SPTLC2: variants seen among roughly 807,000 people sequenced by gnomAD.
SPTLC2 encodes the protein serine palmitoyltransferase 2.
Under a neutral mutation model 62.0 loss-of-function variants are expected in SPTLC2, and 21 were observed. That is an observed-to-expected ratio of 0.34 (90% CI 0.24 to 0.49). SPTLC2 has a LOEUF of 0.49. Ranked by LOEUF, SPTLC2 falls within the 20% of genes least tolerant of loss-of-function variation. The pLI is 0.99. For missense variants in SPTLC2, 511 were observed against 713.0 expected (o/e 0.72, Z 3.23); for synonymous variants, 261 against 261.8 (o/e 1.00, Z 0.03).
At chr14:77,553,144 T>C (rs1236619957) in intron 8 of SPTLC2, among the ~76,000 whole-genome samples, 1 of 152,346 alleles carries the variant, frequency 6.6e-6, no homozygotes, top group East Asian at 1.9e-4. Context: ...AACTTAATTG[T>C]ATATCCCTAT....
intron 2 of SPTLC2, among the ~76,000 whole-genome samples, chr14:77,595,351 C>T (rs889528422): frequency 2.0e-5 from 3 of 151,826 alleles, no homozygotes; most frequent in Non-Finnish European, 2.9e-5. Flanking sequence ...GGTGACTGAG[C>T]GAGACTCTTG....
chr14:77,531,693 G>A (rs2079442024), intron 9 of SPTLC2, among the ~76,000 whole-genome samples: 1 of 151,928 alleles, frequency 6.6e-6, no homozygotes, highest in Admixed American at 6.6e-5. Context: ...TGTATTTTTA[G>A]TAGAGACAGG....
At chr14:77,512,839 C>T (rs2079339276) in intron 11 of SPTLC2, among the ~76,000 whole-genome samples, 2 of 151,892 alleles carry the variant, frequency 1.3e-5, no homozygotes, top group South Asian at 4.2e-4. Flanking sequence ...CCACAGCCTC[C>T]CAAGTAGCTG....
chr14:77,521,595 G>A lies in SPTLC2; in HGVS notation c.1304-14C>T. 1.2e-6 allele frequency: 2 copies of A among 1,613,280 alleles called. No individual in the cohort carries two copies. The highest frequency in any genetic ancestry group is 1.3e-5 in the African/African-American group (1 of 75,024). On this transcript the variant is annotated splice_polypyrimidine_tract_variant and intron_variant, in intron 9 of 11. Transcript: ENST00000216484. ...CACACTCTTTACCTGGAAAGTCACG[G>A]TGAGAGAAAACAAAATAATCCTAAG...
At chr14:77,575,503 C>T (rs975161845) in intron 4 of SPTLC2, among the ~76,000 whole-genome samples, 1 of 152,120 alleles carries the variant, frequency 6.6e-6, no homozygotes, top group African/African-American at 2.4e-5. Flanking sequence ...ACAGCTAGGG[C>T]ATAAAAAGCC....
chr14:77,520,494 C>A lies in SPTLC2; in HGVS notation c.1439+952G>T, dbSNP rs533057285. 6.6e-5 allele frequency among the ~76,000 whole-genome samples: 10 copies of A among 152,306 alleles called. No homozygotes were observed. In the East Asian group the frequency reaches 1.9e-3, roughly 29 times the overall value. Reference sequence around the variant, plus strand: ...TGCTCCTTCAATGAGTTCAATCAAACTGGAGAAATGCTTTAAGATCCAGCT... The same window carrying A: ...TGCTCCTTCAATGAGTTCAATCAAAATGGAGAAATGCTTTAAGATCCAGCT... On this transcript the variant is annotated intron_variant, in intron 10 of 11. Coordinates refer to ENST00000216484, the MANE Select transcript of SPTLC2 (RefSeq NM_004863.4).
intron 9 of SPTLC2, among the ~76,000 whole-genome samples, chr14:77,522,289 G>A (rs1216679357): frequency 6.6e-6 from 1 of 151,842 alleles, no homozygotes; most frequent in Non-Finnish European, 1.5e-5. Context: ...TCAGCTTCCT[G>A]ATAGCTGGGG....
chr14:77,558,573 G>A (rs2079597662), intron 6 of SPTLC2, among the ~76,000 whole-genome samples: 1 of 151,794 alleles, frequency 6.6e-6, no homozygotes, highest in Non-Finnish European at 1.5e-5. Context: ...AGATTCAGGA[G>A]ATGTTCCCTA....
intron 6 of SPTLC2, among the ~76,000 whole-genome samples, chr14:77,558,051 CTT>C (rs34550215): frequency 6.0e-4 from 87 of 144,762 alleles, no homozygotes; most frequent in Admixed American, 7.6e-4. Flanking sequence ...ATCATAAAAT[CTT>C]TTTTTTTTTT....
intron 1 of SPTLC2, among the ~76,000 whole-genome samples, chr14:77,600,541 A>G (rs1487861060): frequency 1.3e-5 from 2 of 152,226 alleles, no homozygotes; most frequent in East Asian, 3.8e-4. Context: ...CCATGAGGAA[A>G]AACACCAGGT....
rs191614712 is a variant in SPTLC2 at position 77,600,685 on chromosome 14, C to G, written c.133-3305G>C. On this transcript the variant is annotated intron_variant, in intron 1 of 11. Transcript: ENST00000216484. ...ACATTAAGCAAACAAGAATGTGACA[C>G]TATATTAGCATTATTAATCAAGGAA... Among the ~76,000 whole-genome samples the G allele has an allele frequency of 1.7e-3, 262 of 152,172 alleles. 2 individuals are homozygous for G. Among genetic ancestry groups the G allele is most frequent in the African/African-American group, 6.1e-3 (255 of 41,504 alleles).
At chr14:77,549,207 T>A (rs1368695767) in intron 9 of SPTLC2, among the ~76,000 whole-genome samples, 2 of 143,098 alleles carry the variant, frequency 1.4e-5, no homozygotes, top group African/African-American at 5.1e-5. Context: ...AGCATGGTAC[T>A]TCTCCTTGAG....
At chr14:77,535,093 A>C (rs2079462389) in intron 9 of SPTLC2, among the ~76,000 whole-genome samples, 1 of 152,008 alleles carries the variant, frequency 6.6e-6, no homozygotes, top group Non-Finnish European at 1.5e-5. Flanking sequence ...ACACCTGGCT[A>C]ATCTTGTATT....
At chr14:77,567,438 A>C (rs911552398) in intron 5 of SPTLC2, among the ~76,000 whole-genome samples, 24 of 152,270 alleles carry the variant, frequency 1.6e-4, no homozygotes, top group Admixed American at 6.5e-5. Context: ...AATGCAGGAC[A>C]GCAACGTATT....
chr14:77,579,366 C>A (rs1027162742), intron 2 of SPTLC2, among the ~76,000 whole-genome samples: 2 of 152,188 alleles, frequency 1.3e-5, no homozygotes, highest in African/African-American at 4.8e-5. Context: ...GTCTATCATT[C>A]CACTGAGTTA....
chr14:77,616,476 G>A lies in SPTLC2; in HGVS notation c.104C>T (p.Ala35Val), dbSNP rs757852940. Residue 35 changes from alanine (A) to valine (V), a missense_variant, in exon 1 of 12, where the codon GCA (alanine) becomes GTA (valine). Transcript: ENST00000216484. Reference sequence around the variant, plus strand: ...GCCGGCGGCGGCTGCGGCTGCGGCTGCAGCGCTGCTCCTCACGTACCCGTT... The same window carrying A: ...GCCGGCGGCGGCTGCGGCTGCGGCTACAGCGCTGCTCCTCACGTACCCGTT... ...VRNGYVRSSA[A>V]AAAAAAAGQI... is the part of the protein sequence containing the mutation. 24 of 1,508,304 alleles carry A rather than the reference G, an allele frequency of 1.6e-5. No homozygotes were observed. The South Asian group carries it at 1.6e-4, about 10-fold the overall frequency. 93.4% of individuals were successfully genotyped at this position (1,508,304 alleles called of 1,614,324 possible).
chr14:77,591,946 AC>A (rs1197667766), intron 2 of SPTLC2, among the ~76,000 whole-genome samples: 2 of 151,526 alleles, frequency 1.3e-5, no homozygotes, highest in East Asian at 3.9e-4. Context: ...GCTGGTCTCA[AC>A]TCCTGACTTC....
intron 1 of SPTLC2, among the ~76,000 whole-genome samples, chr14:77,598,643 T>C (rs561120293): frequency 6.6e-6 from 1 of 152,166 alleles, no homozygotes; most frequent in Non-Finnish European, 1.5e-5. Flanking sequence ...TATATAAGTG[T>C]GGTCCAGGCT....
At chr14:77,565,079 A>T (rs1006220850) in intron 5 of SPTLC2, among the ~76,000 whole-genome samples, 3 of 151,624 alleles carry the variant, frequency 2.0e-5, no homozygotes, top group African/African-American at 7.3e-5. Flanking sequence ...ATCTCTACTA[A>T]GAAATACAAA....
Sources: gnomAD v4.1 joint callset for allele counts (sites outside exome capture counted in the v4.1 genomes callset) on GRCh38, gnomAD v4.1.1 for gene constraint, MANE v1.5 for transcripts, NCBI Gene and HGNC (gene_info 2026-07-23, HGNC 2026-07-21) for gene names.